Variants in GLRA2 observed in about 807,000 individuals in gnomAD.
The protein encoded by GLRA2 is glycine receptor alpha 2.
In GLRA2, 11 loss-of-function variants were observed where a neutral mutation model predicts 31.6. The observed-to-expected ratio is 0.35, with a 90% CI of 0.22 to 0.58. The LOEUF (loss-of-function observed/expected upper bound fraction) is 0.58, where lower values mean the gene tolerates loss of function less well. Among genes scored for constraint, GLRA2 ranks in the 20% least tolerant of loss-of-function variants. The pLI is 0.84. For missense variants in GLRA2, 212 were observed against 351.8 expected (o/e 0.60, Z 3.18); for synonymous variants, 132 against 134.0 (o/e 0.99, Z 0.10).
At chrX:14,454,392 G>T in the GLRA2 span, among the ~76,000 whole-genome samples, 1 of 111,040 alleles carries the variant, frequency 9.0e-6, no homozygotes, top group Non-Finnish European at 1.9e-5. Context: ...TCTTACAACT[G>T]CATGGGAATC....
chrX:14,542,147 G>T (rs2089413687), intron 2 of GLRA2, among the ~76,000 whole-genome samples: 1 of 111,930 alleles, frequency 8.9e-6, no homozygotes, highest in African/African-American at 3.2e-5. Flanking sequence ...AGCCTGGGAA[G>T]CATGTCTTTG....
chrX:14,688,659 A>G (rs2091307291), intron 7 of GLRA2, among the ~76,000 whole-genome samples: 1 of 111,361 alleles, frequency 9.0e-6, no homozygotes. Flanking sequence ...AAAGTGCAGT[A>G]TTAGGGTGGG....
intron 2 of GLRA2, among the ~76,000 whole-genome samples, chrX:14,543,271 A>G (rs1000731314): frequency 1.3e-4 from 14 of 106,001 alleles, no homozygotes; most frequent in Non-Finnish European, 2.7e-4. Flanking sequence ...AGGACTTAGA[A>G]CAAGATGTCT....
At chrX:14,538,964 C>T (rs1237898797) in intron 2 of GLRA2, among the ~76,000 whole-genome samples, 1 of 111,321 alleles carries the variant, frequency 9.0e-6, no homozygotes, top group Non-Finnish European at 1.9e-5. Flanking sequence ...TTGGTTGATT[C>T]TGGGCGACCC....
intron 7 of GLRA2, among the ~76,000 whole-genome samples, chrX:14,683,608 A>T (rs1365935388): frequency 1.8e-5 from 2 of 111,874 alleles, no homozygotes; most frequent in Admixed American, 1.9e-4. Context: ...TGTTGTAGAC[A>T]TGAAGTCCTT....
chrX:14,689,850 G>A (rs1287640291), intron 7 of GLRA2, among the ~76,000 whole-genome samples: 2 of 111,741 alleles, frequency 1.8e-5, no homozygotes, highest in East Asian at 2.8e-4. Context: ...ATTGTAAGTC[G>A]AGTGAGATGA....
At chrX:14,576,220 AATTCAACT>A (rs1292468359) in intron 3 of GLRA2, among the ~76,000 whole-genome samples, 12 of 111,662 alleles carry the variant, frequency 1.1e-4, no homozygotes, top group Non-Finnish European at 1.1e-4. Flanking sequence ...AATTAGACAT[AATTCAACT>A]CCATTACCCA....
intron 8 of GLRA2, among the ~76,000 whole-genome samples, chrX:14,693,350 C>T (rs1217512911): frequency 2.7e-5 from 3 of 111,702 alleles, no homozygotes; most frequent in Admixed American, 9.5e-5. Flanking sequence ...ATAAAGTAGA[C>T]TTTAAGACCA....
intron 7 of GLRA2, among the ~76,000 whole-genome samples, chrX:14,622,963 G>A (rs1327948597): frequency 1.8e-5 from 2 of 111,512 alleles, no homozygotes; most frequent in African/African-American, 6.5e-5. Flanking sequence ...TCACAATATC[G>A]ATTCTTCCTA....
the GLRA2 span, among the ~76,000 whole-genome samples, chrX:14,513,729 C>T: frequency 2.1e-4 from 23 of 111,686 alleles, no homozygotes; most frequent in African/African-American, 6.8e-4. Context: ...CACCTTACTC[C>T]TGCAAGAATG....
chrX:14,726,649 A>T (rs776189165), intron 8 of GLRA2, among the ~76,000 whole-genome samples: 40 of 112,622 alleles, frequency 3.6e-4, no homozygotes, highest in Non-Finnish European at 5.8e-4. Flanking sequence ...ACGATGTACA[A>T]TATAATGAGA....
At chrX:14,722,792 C>G (rs956344746) in intron 8 of GLRA2, among the ~76,000 whole-genome samples, 13 of 111,559 alleles carry the variant, frequency 1.2e-4, no homozygotes, top group Non-Finnish European at 2.4e-4. Context: ...GGGATCCCAC[C>G]AGCTGACCTA....
the GLRA2 span, among the ~76,000 whole-genome samples, chrX:14,474,652 A>G: frequency 8.5e-5 from 6 of 70,874 alleles, no homozygotes; most frequent in African/African-American, 2.8e-4. Flanking sequence ...GGATGGCTTC[A>G]GCTGGGATGG....
In GLRA2 at chrX:14,631,393, T is replaced by C. The variant is rs181650917; in HGVS notation, c.930+22188T>C. On this transcript the variant is annotated intron_variant, in intron 7 of 8. Coordinates refer to ENST00000218075, the MANE Select transcript of GLRA2 (RefSeq NM_002063.4). Reference sequence around the variant, plus strand: ...TGTGTCAATTCTGGGTTGGCTGCAATTGGTTTCTTTTTCTCTTAATCATGT... The same window carrying C: ...TGTGTCAATTCTGGGTTGGCTGCAACTGGTTTCTTTTTCTCTTAATCATGT... Among the ~76,000 whole-genome samples, 5 of 111,462 alleles carry C rather than the reference T, an allele frequency of 4.5e-5. 1 individual carries two copies. The East Asian group carries it at 1.4e-3, about 32-fold the overall frequency.
chrX:14,681,019 A>G lies in GLRA2; in HGVS notation c.931-9691A>G, dbSNP rs754695280. 5.3e-5 allele frequency among the ~76,000 whole-genome samples: 6 copies of G among 112,330 alleles called. No individual in the cohort carries two copies. The East Asian group carries it at 1.7e-3, about 31-fold the overall frequency. ...CCATGTGAATAATATATAACTGGAAATGCTGTGATTGGTAATGTTCTATTA... is the reference window on the plus strand; with the variant it reads ...CCATGTGAATAATATATAACTGGAAGTGCTGTGATTGGTAATGTTCTATTA... On this transcript the variant is annotated intron_variant, in intron 7 of 8. Coordinates refer to ENST00000218075, the MANE Select transcript of GLRA2 (RefSeq NM_002063.4).
chrX:14,657,051 C>T (rs1272405823), intron 7 of GLRA2, among the ~76,000 whole-genome samples: 2 of 111,594 alleles, frequency 1.8e-5, no homozygotes. Context: ...TAATAGAAGT[C>T]CTGGGTCAGA....
intron 7 of GLRA2, among the ~76,000 whole-genome samples, chrX:14,652,899 TA>T (rs1339847608): frequency 8.9e-6 from 1 of 111,834 alleles, no homozygotes; most frequent in Non-Finnish European, 1.9e-5. Flanking sequence ...GGAACGTAAG[TA>T]AAAATTCAGA....
chrX:14,554,997 T>G (rs749763813), intron 2 of GLRA2, among the ~76,000 whole-genome samples: 1 of 112,363 alleles, frequency 8.9e-6, no homozygotes, highest in East Asian at 2.8e-4. Flanking sequence ...TGAAGCATAA[T>G]TTTTCCCTAC....
chrX:14,658,371 G>A (rs892101527), intron 7 of GLRA2, among the ~76,000 whole-genome samples: 47 of 111,438 alleles, frequency 4.2e-4, no homozygotes, highest in African/African-American at 1.4e-3. Context: ...AATCGTTTTC[G>A]TCTTTATTGC....
Sources: gnomAD v4.1 joint callset for allele counts (sites outside exome capture counted in the v4.1 genomes callset) on GRCh38, gnomAD v4.1.1 for gene constraint, MANE v1.5 for transcripts, NCBI Gene and HGNC (gene_info 2026-07-23, HGNC 2026-07-21) for gene names.